BACE2: variants seen among roughly 807,000 people sequenced by gnomAD.
BACE2 encodes beta-secretase 2.
Under a neutral mutation model 46.2 loss-of-function variants are expected in BACE2, and 17 were observed. That is an observed-to-expected ratio of 0.37 (90% CI 0.25 to 0.55). The LOEUF (loss-of-function observed/expected upper bound fraction) is 0.55, where lower values mean the gene tolerates loss of function less well. Ranked by LOEUF, BACE2 falls within the 20% of genes least tolerant of loss-of-function variation. The probability of loss-of-function intolerance (pLI) is 0.82; values close to 1 mark genes in which losing one functional copy is unlikely to be tolerated. For synonymous variants in BACE2, 277 were observed against 295.9 expected (o/e 0.94, Z 0.66); for missense variants, 595 against 698.1 (o/e 0.85, Z 1.66).
chr21:41,250,709 G>T (rs1279256524), intron 6 of BACE2, 43 bp from the exon 7 acceptor site: 1 of 1,603,914 alleles, frequency 6.2e-7, no homozygotes, highest in South Asian at 1.1e-5. Context: ...CTGTTGACGT[G>T]CCAGACTAGT....
Position 41,174,132 on chromosome 21 carries a change from C to T in BACE2, c.312+5557C>T, listed in dbSNP as rs4818217. Among the ~76,000 whole-genome samples, 3 of 126,078 alleles carry T rather than the reference C, an allele frequency of 2.4e-5. No homozygotes were observed. The Admixed American group carries it at 2.6e-4, about 11-fold the overall frequency. The allele number at this position is 126,078 out of a possible 152,430, so 82.7% of individuals were successfully genotyped here. On this transcript the variant is annotated intron_variant, in intron 1 of 8. Transcript: ENST00000330333. ...AAATGATAAGGATAGCTGTTGTGAT[C>T]AGTGGCCTTTTTTTTTTTTTTTTTT...
At chr21:41,218,247 A>G (rs1986534693) in intron 1 of BACE2, among the ~76,000 whole-genome samples, 1 of 152,236 alleles carries the variant, frequency 6.6e-6, no homozygotes, top group Admixed American at 6.5e-5. Context: ...TGTAATGAGG[A>G]AAAATAAGAC....
intron 1 of BACE2, among the ~76,000 whole-genome samples, chr21:41,196,470 G>A (rs1353328693): frequency 6.6e-6 from 1 of 151,832 alleles, no homozygotes; most frequent in African/African-American, 2.4e-5. Context: ...TGCCTCAAAA[G>A]GGGACTGGTT....
At chr21:41,261,026 A>G (rs1987923041) in intron 8 of BACE2, among the ~76,000 whole-genome samples, 1 of 152,190 alleles carries the variant, frequency 6.6e-6, no homozygotes. Context: ...TTGACTGCAT[A>G]CTATCTCACT....
chr21:41,168,542 C>T lies in BACE2; in HGVS notation c.279C>T (p.Tyr93=), dbSNP rs1601231738. Residue 93 remains tyrosine (Y), a synonymous_variant, in exon 1 of 9, where the codon TAC becomes TAT. Coordinates refer to ENST00000330333, the MANE Select transcript of BACE2 (RefSeq NM_012105.5). ...AGGGGGACTCTGGCCGCGGCTACTA[C>T]CTGGAGATGCTGATCGGGACCCCCC... is the stretch of plus-strand genomic sequence containing the variant. ...NLQGDSGRGY[Y]LEMLIGTPPQ... 3 of 1,339,692 alleles carry T rather than the reference C, an allele frequency of 2.2e-6. No individual in the cohort carries two copies. Among genetic ancestry groups the T allele is most frequent in the South Asian group, 4.9e-5 (2 of 40,472 alleles). The allele number at this position is 1,339,692 out of a possible 1,614,324, so 83.0% of individuals were successfully genotyped here.
intron 1 of BACE2, chr21:41,181,851 A>G (rs1463059795): frequency 1.2e-5 from 2 of 167,052 alleles, no homozygotes; most frequent in African/African-American, 4.8e-5. Context: ...TGTTGATGAC[A>G]AATCTGGCAG....
chr21:41,174,586 A>G (rs997788690), intron 1 of BACE2, among the ~76,000 whole-genome samples: 1 of 152,078 alleles, frequency 6.6e-6, no homozygotes, highest in African/African-American at 2.4e-5. Context: ...CATAGACTAG[A>G]GCAGGTCAAG....
intron 1 of BACE2, chr21:41,180,273 A>G (rs1985065128): frequency 5.6e-6 from 1 of 177,196 alleles, no homozygotes; most frequent in Non-Finnish European, 1.4e-5. Context: ...GCTAGTGCTC[A>G]GTTTGGTCTG....
At chr21:41,179,160 G>C (rs113841085) in intron 1 of BACE2, 1 of 1,229,104 alleles carries the variant, frequency 8.1e-7, no homozygotes, top group South Asian at 1.4e-5. Context: ...GGTGTCCAGG[G>C]TGAGGAGTGA....
At chr21:41,188,470 C>T (rs1985454226) in intron 1 of BACE2, among the ~76,000 whole-genome samples, 2 of 152,098 alleles carry the variant, frequency 1.3e-5, no homozygotes, top group South Asian at 4.2e-4. Flanking sequence ...TCCAGTTTCT[C>T]AGAAAGAAAT....
chr21:41,214,963 G>C (rs994273505), intron 1 of BACE2, among the ~76,000 whole-genome samples: 3 of 152,018 alleles, frequency 2.0e-5, no homozygotes, highest in Admixed American at 6.5e-5. Flanking sequence ...GAAGGACTGT[G>C]GGGGGCAAAC....
rs564526262 is a variant in BACE2, at chr21:41,282,452, A to G, written c.*6828A>G. Reference sequence around the variant, plus strand: ...AAAATAATCTTATTTTTATACTTGTATGTTCCAGCAATTTAAGATATATAC... The same window carrying G: ...AAAATAATCTTATTTTTATACTTGTGTGTTCCAGCAATTTAAGATATATAC... On this transcript the variant is annotated 3_prime_UTR_variant, in exon 9 of 9. Transcript: ENST00000330333. 39 of 152,330 alleles carry G rather than the reference A, an allele frequency of 2.6e-4. 1 individual carries two copies. The South Asian group carries it at 7.9e-3, about 31-fold the overall frequency. 9.4% of individuals were successfully genotyped at this position (152,330 alleles called of 1,614,324 possible).
intron 1 of BACE2, among the ~76,000 whole-genome samples, chr21:41,190,247 T>C (rs573754120): frequency 6.6e-6 from 1 of 152,276 alleles, no homozygotes; most frequent in South Asian, 2.1e-4. Flanking sequence ...TCATACATAA[T>C]CTTCAAATAA....
chr21:41,273,058 G>A (rs1292441240), intron 8 of BACE2, among the ~76,000 whole-genome samples: 3 of 152,180 alleles, frequency 2.0e-5, no homozygotes, highest in Non-Finnish European at 4.4e-5. Flanking sequence ...TGCCCCCTGA[G>A]CTGCAAAACC....
rs114074906 is a variant in BACE2, at chr21:41,187,134, G to A, written c.312+18559G>A. On this transcript the variant is annotated intron_variant, in intron 1 of 8. Transcript: ENST00000330333. ...GTCATGGAGGAGGTTATAAATGTGG[G>A]CCACTGAGACCCACTCCCCACTGGG... Among the ~76,000 whole-genome samples, 878 of 152,262 alleles carry A rather than the reference G, an allele frequency of 5.8e-3. 9 individuals carry two copies. The highest frequency in any genetic ancestry group is 0.02 in the African/African-American group (831 of 41,532).
chr21:41,213,133 TG>T (rs1232669555), intron 1 of BACE2, among the ~76,000 whole-genome samples: 1 of 152,162 alleles, frequency 6.6e-6, no homozygotes, highest in African/African-American at 2.4e-5. Context: ...GCAGGCACTG[TG>T]GGGACCATCA....
At chr21:41,243,301 G>A in intron 4 of BACE2, 75 bp from the exon 5 acceptor site, 1 of 1,251,682 alleles carries the variant, frequency 8.0e-7, no homozygotes, top group Non-Finnish European at 1.1e-6. Flanking sequence ...CTTTACAAGT[G>A]CATGCTTCTC....
chr21:41,266,910 C>T (rs912203868), intron 8 of BACE2, among the ~76,000 whole-genome samples: 3 of 151,820 alleles, frequency 2.0e-5, no homozygotes, highest in African/African-American at 7.3e-5. Context: ...GTTTGAGGAC[C>T]CCACATCTTT....
At chr21:41,257,111 A>C (rs1987806630) in intron 7 of BACE2, 47 bp from the exon 8 acceptor site, 1 of 1,611,292 alleles carries the variant, frequency 6.2e-7, no homozygotes, top group Non-Finnish European at 8.5e-7. Context: ...ATACTGCCTG[A>C]TTTGTGCTTT....
Sources: allele counts gnomAD v4.1 joint callset (sites outside exome capture counted in the v4.1 genomes callset), GRCh38; gene constraint gnomAD v4.1.1; transcripts MANE v1.5; gene names NCBI Gene and HGNC (gene_info 2026-07-23, HGNC 2026-07-21).